The following ATAD2B variants were observed in gnomAD, a reference collection of about 807,000 sequenced individuals.
ATAD2B encodes ATPase family AAA domain-containing protein 2B.
Under a neutral mutation model 167.6 loss-of-function variants are expected in ATAD2B, and 40 were observed. That is an observed-to-expected ratio of 0.24 (90% confidence interval 0.19 to 0.31). ATAD2B has a LOEUF of 0.31. ATAD2B is among the 10% of genes least tolerant of loss of function. The pLI is 1.00. For synonymous variants in ATAD2B, 579 were observed against 596.5 expected, an observed-to-expected ratio of 0.97 and a Z score of 0.43; for missense variants, 1,242 against 1,757.2, an observed-to-expected ratio of 0.71 and a Z score of 5.24.
chr2:23,766,900 C>T (rs1677492573), intron 22 of ATAD2B, among the ~76,000 whole-genome samples: 2 of 141,372 alleles, frequency 1.4e-5, no homozygotes. Context: ...ACTGGAGTAG[C>T]TACTGAAAGA....
intron 23 of ATAD2B, 63 bp downstream of exon 23, chr2:23,765,443 A>G (rs1200660624): frequency 2.2e-6 from 3 of 1,350,472 alleles, no homozygotes; most frequent in Admixed American, 2.6e-5. Flanking sequence ...AACAGCGTTC[A>G]AGTACTCTTG....
chr2:23,743,081 A>G, the ATAD2B span, among the ~76,000 whole-genome samples: 1 of 152,044 alleles, frequency 6.6e-6, no homozygotes, highest in Non-Finnish European at 1.5e-5. Flanking sequence ...AATACAGGAT[A>G]TAAATGAGAA....
At chr2:23,875,433 A>G (rs938902113) in intron 8 of ATAD2B, among the ~76,000 whole-genome samples, 2 of 151,962 alleles carry the variant, frequency 1.3e-5, no homozygotes, top group Non-Finnish European at 2.9e-5. Flanking sequence ...CCAGGAGAAA[A>G]GGTTGCAGTG....
chr2:23,806,630 A>C (rs991238242), intron 18 of ATAD2B, among the ~76,000 whole-genome samples: 1 of 152,162 alleles, frequency 6.6e-6, no homozygotes, highest in African/African-American at 2.4e-5. Flanking sequence ...TTAGAACTGT[A>C]CTTAATTTAT....
At chr2:23,699,683 T>C in the ATAD2B span, among the ~76,000 whole-genome samples, 1 of 152,186 alleles carries the variant, frequency 6.6e-6, no homozygotes, top group African/African-American at 2.4e-5. Context: ...CCCAACCGTT[T>C]GCCTTCTCGG....
the ATAD2B span, among the ~76,000 whole-genome samples, chr2:23,717,179 C>T: frequency 6.6e-6 from 1 of 152,154 alleles, no homozygotes; most frequent in African/African-American, 2.4e-5. Flanking sequence ...TTAATACCTA[C>T]GAGACTGTGG....
intron 16 of ATAD2B, among the ~76,000 whole-genome samples, chr2:23,821,804 TTTTA>T (rs1378239775): frequency 2.0e-5 from 3 of 152,074 alleles, no homozygotes; most frequent in African/African-American, 4.8e-5. Context: ...ATGTTTTAAA[TTTTA>T]TTTATTTATT....
chr2:23,785,885 G>A, intron 21 of ATAD2B, 142 bp downstream of exon 21: 1 of 695,094 alleles, frequency 1.4e-6, no homozygotes, highest in East Asian at 2.9e-5. Context: ...GACATCGGTA[G>A]TTATCACATG....
chr2:23,900,429 A>C (rs1020264396), intron 1 of ATAD2B, among the ~76,000 whole-genome samples: 3 of 152,146 alleles, frequency 2.0e-5, no homozygotes, highest in African/African-American at 7.2e-5. Flanking sequence ...CCCAAGGTTA[A>C]AGTGTGCATT....
chr2:23,902,687 AG>A (rs913013802), intron 1 of ATAD2B, among the ~76,000 whole-genome samples: 5 of 152,200 alleles, frequency 3.3e-5, no homozygotes, highest in Non-Finnish European at 7.3e-5. Flanking sequence ...CTCAGGCATA[AG>A]GGAAATAATT....
chr2:23,907,786 C>T (rs1573387106), intron 1 of ATAD2B, among the ~76,000 whole-genome samples: 1 of 152,104 alleles, frequency 6.6e-6, no homozygotes, highest in African/African-American at 2.4e-5. Flanking sequence ...GGTACCAAAA[C>T]AGAGATATAG....
chr2:23,679,586 A>T, the ATAD2B span, among the ~76,000 whole-genome samples: 1 of 152,250 alleles, frequency 6.6e-6, no homozygotes, highest in East Asian at 1.9e-4. Flanking sequence ...GAAGCTACAA[A>T]GAATATTTGC....
At chr2:23,910,560 C>T (rs559849698) in intron 1 of ATAD2B, among the ~76,000 whole-genome samples, 3 of 151,672 alleles carry the variant, frequency 2.0e-5, no homozygotes, top group South Asian at 2.1e-4. Flanking sequence ...TGAACTGCTA[C>T]GAATTTTTTT....
At chr2:23,714,308 C>T in the ATAD2B span, among the ~76,000 whole-genome samples, 2 of 149,140 alleles carry the variant, frequency 1.3e-5, no homozygotes, top group Admixed American at 6.7e-5. Context: ...GGCGCGATCT[C>T]GGCTCACTGC....
intron 6 of ATAD2B, among the ~76,000 whole-genome samples, chr2:23,881,078 C>A (rs1346153256): frequency 6.6e-6 from 1 of 151,980 alleles, no homozygotes. Flanking sequence ...AAAATTTTAC[C>A]CAACTACAGC....
chr2:23,891,981 T>C (rs1003133007), intron 2 of ATAD2B, among the ~76,000 whole-genome samples: 1 of 152,186 alleles, frequency 6.6e-6, no homozygotes, highest in Non-Finnish European at 1.5e-5. Flanking sequence ...ATGAGGGTTA[T>C]AAACCTCAAT....
chr2:23,926,499 C>A lies in ATAD2B; in HGVS notation c.216+56G>T, dbSNP rs551846663. Reference sequence around the variant, plus strand: ...TACCCCCAACCCGGCCAGACAAAGCCCCGGCAGCAGGGCCGGCACTTCCGA... The same window carrying A: ...TACCCCCAACCCGGCCAGACAAAGCACCGGCAGCAGGGCCGGCACTTCCGA... On this transcript the variant is annotated intron_variant, in intron 1 of 27. Transcript: ENST00000238789. 7.4e-5 allele frequency: 112 copies of A among 1,518,070 alleles called. 1 individual carries two copies. In the South Asian group the frequency reaches 1.3e-3, roughly 18 times the overall value. The allele number at this position is 1,518,070 out of a possible 1,614,324, so 94.0% of individuals were successfully genotyped here. A position where few individuals can be genotyped will look rare whatever the true frequency, so the allele number is the denominator to read the frequency against.
chr2:23,901,850 T>C (rs1482993309), intron 1 of ATAD2B, among the ~76,000 whole-genome samples: 2 of 152,086 alleles, frequency 1.3e-5, no homozygotes, highest in Non-Finnish European at 2.9e-5. Flanking sequence ...TTCCCAAACA[T>C]ACTCTGGAAA....
chr2:23,832,653 C>G (rs570114781), intron 14 of ATAD2B: 41 of 154,476 alleles, frequency 2.7e-4, no homozygotes, highest in Non-Finnish European at 4.7e-4. Flanking sequence ...CTGTTCTAAA[C>G]CTTGTTTACT....
Sources: allele counts gnomAD v4.1 joint callset (sites outside exome capture counted in the v4.1 genomes callset), GRCh38; gene constraint gnomAD v4.1.1; transcripts MANE v1.5; gene names NCBI Gene and HGNC (gene_info 2026-07-23, HGNC 2026-07-21).